MSN: variants seen among roughly 807,000 people sequenced by gnomAD.
The protein encoded by MSN is epididymis luminal protein 70.
Under a neutral mutation model 48.0 loss-of-function variants are expected in MSN, and 2 were observed. The observed-to-expected ratio is 0.04, with a 90% CI of 0.02 to 0.13. The LOEUF is 0.13. MSN is among the 10% of genes least tolerant of loss of function. The pLI is 1.00. For synonymous variants in MSN, 146 were observed against 166.9 expected, an observed-to-expected ratio of 0.87 and a Z score of 0.97; for missense variants, 267 against 470.1, an observed-to-expected ratio of 0.57 and a Z score of 3.99.
intron 1 of MSN, among the ~76,000 whole-genome samples, chrX:65,608,474 G>A (rs1313404236): frequency 1.8e-5 from 2 of 110,734 alleles, no homozygotes; most frequent in Non-Finnish European, 3.8e-5. Flanking sequence ...AAGTGTCAGG[G>A]GAGGGAAAGT....
At chrX:65,691,071 G>A (rs1436563600) in intron 1 of MSN, among the ~76,000 whole-genome samples, 1 of 111,194 alleles carries the variant, frequency 9.0e-6, no homozygotes, top group Non-Finnish European at 1.9e-5. Context: ...AGTATCAAAA[G>A]GAACTTTTCT....
Position 65,739,790 on chromosome X carries a change from T to A in MSN, c.1631T>A (p.Ile544Asn), listed in dbSNP as rs1321890760. ...DESKKTANDM[I>N]HAENMRLGRD... ...TCCAAGAAGACTGCCAATGACATGA[T>A]CCATGCTGAGAACATGCGACTGGGC... is the stretch of plus-strand genomic sequence containing the variant. The change falls in exon 13 of 13, where the codon ATC (isoleucine) becomes AAC (asparagine). Residue 544 changes from isoleucine (I) to asparagine (N), a missense_variant. By Grantham distance (149) the Ile-to-Asn change is moderately radical (BLOSUM62 -3). This residue lies in a region of MSN where 48 missense variants were observed against 115.5 expected (regional missense o/e 0.42). Transcript: ENST00000360270. The A allele has an allele frequency of 8.3e-7, 1 of 1,209,058 alleles. No homozygotes were observed. Among genetic ancestry groups the A allele is most frequent in the Non-Finnish European group, 1.1e-6 (1 of 894,818 alleles).
chrX:65,676,447 TC>T (rs1286024449), intron 1 of MSN, among the ~76,000 whole-genome samples: 16 of 112,401 alleles, frequency 1.4e-4, no homozygotes, highest in Non-Finnish European at 2.8e-4. Context: ...TATTGAAGTT[TC>T]TTCCCATTCC....
intron 1 of MSN, among the ~76,000 whole-genome samples, chrX:65,618,427 C>T (rs1345424029): frequency 9.0e-6 from 1 of 111,198 alleles, no homozygotes; most frequent in Non-Finnish European, 1.9e-5. Context: ...ATAGTTAGCT[C>T]TTCTTGTTGA....
At chrX:65,693,029 T>C (rs2071192168) in intron 1 of MSN, among the ~76,000 whole-genome samples, 1 of 112,314 alleles carries the variant, frequency 8.9e-6, no homozygotes, top group Admixed American at 9.5e-5. Context: ...GTCTGTGCTT[T>C]AGACTGCCAA....
chrX:65,666,742 T>C (rs767963920), upstream of MSN, among the ~76,000 whole-genome samples: 1 of 111,354 alleles, frequency 9.0e-6, no homozygotes, highest in Non-Finnish European at 1.9e-5. Flanking sequence ...ATTACAGTCA[T>C]GAGCCACCGC....
At chrX:65,686,594 A>T (rs747821756) in intron 1 of MSN, among the ~76,000 whole-genome samples, 1 of 112,416 alleles carries the variant, frequency 8.9e-6, no homozygotes, top group African/African-American at 3.2e-5. Flanking sequence ...GTGGATCCAA[A>T]GTATCTCCAG....
At chrX:65,670,491 G>A (rs370719979) in intron 1 of MSN, among the ~76,000 whole-genome samples, 61 of 110,795 alleles carry the variant, frequency 5.5e-4, no homozygotes, top group African/African-American at 1.8e-3. Flanking sequence ...TTGGGAGGCC[G>A]AGGCAGGCAG....
At chrX:65,612,004 T>C (rs1291410035) in intron 1 of MSN, among the ~76,000 whole-genome samples, 1 of 112,225 alleles carries the variant, frequency 8.9e-6, no homozygotes, top group African/African-American at 3.2e-5. Flanking sequence ...TTTTATATCT[T>C]CTTTGAAGAA....
At chrX:65,615,607 C>T (rs1279596319) in intron 1 of MSN, among the ~76,000 whole-genome samples, 2 of 104,524 alleles carry the variant, frequency 1.9e-5, no homozygotes, top group Admixed American at 1.0e-4. Flanking sequence ...GGATATTAGC[C>T]CTTTGTCAGA....
At chrX:65,708,705 C>T (rs986171189) in intron 1 of MSN, among the ~76,000 whole-genome samples, 4 of 110,126 alleles carry the variant, frequency 3.6e-5, no homozygotes, top group African/African-American at 9.9e-5. Flanking sequence ...TATTTTGAGA[C>T]GGAGTCTTGC....
At chrX:65,697,195 G>A (rs1450131047) in intron 1 of MSN, among the ~76,000 whole-genome samples, 1 of 108,721 alleles carries the variant, frequency 9.2e-6, no homozygotes, top group Non-Finnish European at 1.9e-5. Flanking sequence ...TAGGGGAACA[G>A]CAGGCTGGGT....
intron 1 of MSN, among the ~76,000 whole-genome samples, chrX:65,681,383 G>C (rs2071053567): frequency 8.9e-6 from 1 of 111,945 alleles, no homozygotes; most frequent in African/African-American, 3.3e-5. Context: ...GGTGGAGGTG[G>C]TTAGGAATGG....
intron 1 of MSN, among the ~76,000 whole-genome samples, chrX:65,707,504 G>A (rs193245989): frequency 2.9e-4 from 33 of 111,933 alleles, no homozygotes; most frequent in South Asian, 7.5e-4. Flanking sequence ...TCAGGGCCTG[G>A]CTTAGGCAGG....
chrX:65,703,056 T>G (rs1279803373), intron 1 of MSN, among the ~76,000 whole-genome samples: 1 of 111,871 alleles, frequency 8.9e-6, no homozygotes, highest in Non-Finnish European at 1.9e-5. Context: ...GTGAGAGTCC[T>G]TTATGCTAGA....
intron 1 of MSN, among the ~76,000 whole-genome samples, chrX:65,683,919 CTTTT>C (rs1306388374): frequency 1.9e-5 from 2 of 106,801 alleles, no homozygotes; most frequent in Non-Finnish European, 3.9e-5. Flanking sequence ...AACATAAACT[CTTTT>C]TTTTCTTTCT....
intron 1 of MSN, among the ~76,000 whole-genome samples, chrX:65,647,325 C>T (rs1217941478): frequency 1.8e-5 from 2 of 108,870 alleles, no homozygotes; most frequent in Non-Finnish European, 3.8e-5. Flanking sequence ...AATTCTCCTG[C>T]CTCAGCCTCC....
At chrX:65,712,735 T>C (rs2071426406) in intron 1 of MSN, among the ~76,000 whole-genome samples, 1 of 111,262 alleles carries the variant, frequency 9.0e-6, no homozygotes, top group Non-Finnish European at 1.9e-5. Context: ...GTGTCTTCCG[T>C]GAGCATGAAA....
At chrX:65,667,955 G>A in intron 1 of MSN, 102 bp downstream of exon 1, 1 of 946,942 alleles carries the variant, frequency 1.1e-6, no homozygotes, top group Non-Finnish European at 1.5e-6. Context: ...GCCCGCCTGG[G>A]ACGCCGCGCC....
Sources: allele counts gnomAD v4.1 joint callset (sites outside exome capture counted in the v4.1 genomes callset), GRCh38; gene constraint gnomAD v4.1.1; regional missense constraint gnomAD v4.1.1; transcripts MANE v1.5; gene names NCBI Gene and HGNC (gene_info 2026-07-23, HGNC 2026-07-21).